Variants in SULT1B1 observed in about 807,000 individuals in gnomAD.
SULT1B1 encodes sulfotransferase 1B1.
SULT1B1 carries 28 observed loss-of-function variants against 34.6 expected under a neutral mutation model. The observed-to-expected ratio is 0.81, with a 90% CI of 0.60 to 1.11. SULT1B1 has a LOEUF of 1.11. Ranked by LOEUF, SULT1B1 falls within the 50% of genes least tolerant of loss-of-function variation. The pLI is 0.00. For missense variants in SULT1B1, 374 were observed against 352.2 expected, an observed-to-expected ratio of 1.06 and a Z score of -0.50; for synonymous variants, 147 against 110.2, an observed-to-expected ratio of 1.33 and a Z score of -2.09.
At chr4:69,752,931 T>A (rs979283217) in intron 3 of SULT1B1, among the ~76,000 whole-genome samples, 2 of 152,234 alleles carry the variant, frequency 1.3e-5, no homozygotes, top group Non-Finnish European at 2.9e-5. Flanking sequence ...TTAGCTCATT[T>A]TTTTTCAGTT....
chr4:69,741,069 G>A (rs988198616), intron 4 of SULT1B1, among the ~76,000 whole-genome samples: 3 of 152,010 alleles, frequency 2.0e-5, no homozygotes, highest in African/African-American at 7.2e-5. Context: ...TTTGTATATG[G>A]TAATAAGGGC....
At position 69,753,755 on chromosome 4, in the gene SULT1B1, C is replaced by T. The variant is rs545990380; in HGVS notation, c.277+915G>A. ...TTTTAAGTTTGGCTTAAAGGTTTCT[C>T]TATACATAGTGAATTGTAACCTAAC... On this transcript the variant is annotated intron_variant, in intron 3 of 7. Transcript: ENST00000310613. Among the ~76,000 whole-genome samples, 18 of 152,322 alleles carry T rather than the reference C, an allele frequency of 1.2e-4. No homozygotes were observed. In the South Asian group the frequency reaches 3.7e-3, roughly 32 times the overall value.
At position 69,722,925 on chromosome 4, in the gene SULT1B1, A is replaced by T. The variant is rs770030807; in HGVS notation, c.*4163T>A. Reference sequence around the variant, plus strand: ...TTCAGCTTGAGAACCATGGCTTGGCATATAACTTGGCACATGTGATATGAT... The same window carrying T: ...TTCAGCTTGAGAACCATGGCTTGGCTTATAACTTGGCACATGTGATATGAT... On this transcript the variant is annotated 3_prime_UTR_variant, in exon 8 of 8. Transcript: ENST00000310613. The T allele has an allele frequency of 6.6e-6, 1 of 151,978 alleles. No homozygotes were observed. The highest frequency in any genetic ancestry group is 1.5e-5 in the Non-Finnish European group (1 of 68,030). 9.4% of individuals were successfully genotyped at this position (151,978 alleles called of 1,614,324 possible). A position where few individuals can be genotyped will look rare whatever the true frequency, so the allele number is the denominator to read the frequency against.
chr4:69,735,060 C>T (rs1414319699), intron 4 of SULT1B1, among the ~76,000 whole-genome samples: 3 of 152,012 alleles, frequency 2.0e-5, no homozygotes, highest in Admixed American at 6.6e-5. Flanking sequence ...GCTCATGATC[C>T]GCCCTCCTCG....
At chr4:69,730,461 G>C in intron 7 of SULT1B1, 40 bp downstream of exon 7, 1 of 1,549,268 alleles carries the variant, frequency 6.5e-7, no homozygotes, top group Non-Finnish European at 8.8e-7. Flanking sequence ...TAATTCATAA[G>C]AAAGTACGAA....
Position 69,725,217 on chromosome 4 carries a change from A to C in SULT1B1, c.*1871T>G, listed in dbSNP as rs539744542. 1.3e-5 allele frequency: 2 copies of C among 152,322 alleles called. No homozygotes were observed. The highest frequency in any genetic ancestry group is 4.8e-5 in the African/African-American group (2 of 41,574). The allele number at this position is 152,322 out of a possible 1,614,324, so 9.4% of individuals were successfully genotyped here. ...CATCAACAAGTGTGCAAAGAATATG[A>C]ACAGATACTTCTCAAAAGAAGACAT... On this transcript the variant is annotated 3_prime_UTR_variant, in exon 8 of 8. Transcript: ENST00000310613.
At chr4:69,751,577 G>T (rs569393750) in intron 3 of SULT1B1, among the ~76,000 whole-genome samples, 38 of 152,008 alleles carry the variant, frequency 2.5e-4, no homozygotes, top group Non-Finnish European at 4.9e-4. Context: ...TCAGCCTCCC[G>T]AGTAGTTGAG....
In SULT1B1 at chr4:69,721,887, T is replaced by C. The variant is rs1408772076; in HGVS notation, c.*5201A>G. ...ACATCATGGTTCTGTTAGAGAAAGATTGTAATATGAGATTATTTTAAGTGT... is the reference window on the plus strand; with the variant it reads ...ACATCATGGTTCTGTTAGAGAAAGACTGTAATATGAGATTATTTTAAGTGT... On this transcript the variant is annotated 3_prime_UTR_variant, in exon 8 of 8. Coordinates refer to ENST00000310613, the MANE Select transcript of SULT1B1 (RefSeq NM_014465.4). 1 of 152,124 alleles carries C rather than the reference T, an allele frequency of 6.6e-6. No individual in the cohort carries two copies. The highest frequency in any genetic ancestry group is 1.5e-5 in the Non-Finnish European group (1 of 67,964). The allele number at this position is 152,124 out of a possible 1,614,324, so 9.4% of individuals were successfully genotyped here. A position where few individuals can be genotyped will look rare whatever the true frequency, so the allele number is the denominator to read the frequency against.
intron 3 of SULT1B1, among the ~76,000 whole-genome samples, chr4:69,753,899 C>A (rs149619778): frequency 3.9e-5 from 6 of 152,286 alleles, no homozygotes; most frequent in African/African-American, 9.6e-5. Context: ...TTAACTAAAC[C>A]AGCTGTTTCT....
At position 69,756,960 on chromosome 4, in the gene SULT1B1, GACACAC is replaced by G. The variant is rs3076390; in HGVS notation, c.-44-1705_-44-1700del. ...AATCTCATCTGAAAACACCCTCACA[GACACAC>G]ACACACACACACAGACACACACACA... On this transcript the variant is annotated intron_variant, in intron 1 of 7. Transcript: ENST00000310613. Among the ~76,000 whole-genome samples the G allele has an allele frequency of 5.0e-3, 747 of 147,988 alleles. 7 individuals are homozygous for G. The highest frequency in any genetic ancestry group is 0.017 in the African/African-American group (693 of 40,364).
At chr4:69,756,339 C>T (rs1719192216) in intron 1 of SULT1B1, among the ~76,000 whole-genome samples, 4 of 152,066 alleles carry the variant, frequency 2.6e-5, no homozygotes, top group Admixed American at 6.5e-5. Flanking sequence ...TGATTAGAAG[C>T]TGTCATTGAT....
chr4:69,743,540 C>A (rs984101170), intron 4 of SULT1B1, among the ~76,000 whole-genome samples: 18 of 152,298 alleles, frequency 1.2e-4, no homozygotes, highest in Admixed American at 4.6e-4. Flanking sequence ...TGGGGCTTCA[C>A]CCGGGACCCA....
intron 4 of SULT1B1, among the ~76,000 whole-genome samples, chr4:69,747,645 C>A (rs1239117833): frequency 1.3e-5 from 2 of 152,216 alleles, no homozygotes; most frequent in Non-Finnish European, 2.9e-5. Context: ...TGCACCAAAC[C>A]CTCTGGACTC....
intron 1 of SULT1B1, among the ~76,000 whole-genome samples, chr4:69,757,603 A>C (rs1395887953): frequency 2.0e-5 from 3 of 151,994 alleles, no homozygotes; most frequent in Middle Eastern, 3.2e-3. Flanking sequence ...CACACACAAA[A>C]TCTAGGAGGG....
intron 4 of SULT1B1, among the ~76,000 whole-genome samples, chr4:69,738,819 T>A (rs1050272155): frequency 2.0e-5 from 3 of 152,104 alleles, no homozygotes; most frequent in African/African-American, 7.2e-5. Context: ...AAATTGAAAG[T>A]CAGTTATTAC....
At chr4:69,734,385 G>T in intron 4 of SULT1B1, 121 bp from the exon 5 acceptor site, 1 of 1,073,258 alleles carries the variant, frequency 9.3e-7, no homozygotes, top group Non-Finnish European at 1.3e-6. Context: ...TTGTGGGCCA[G>T]GGAGGCCCTT....
chr4:69,744,378 G>A (rs1718671311), intron 4 of SULT1B1, among the ~76,000 whole-genome samples: 1 of 152,208 alleles, frequency 6.6e-6, no homozygotes, highest in Non-Finnish European at 1.5e-5. Flanking sequence ...GCCCGGCCAT[G>A]CAAAGGTAAG....
chr4:69,760,138 G>T, intron 1 of SULT1B1: 1 of 560,628 alleles, frequency 1.8e-6, no homozygotes, highest in Non-Finnish European at 2.3e-6. Context: ...CATGTGAGTA[G>T]GACTGGATGA....
At chr4:69,740,904 T>G (rs1718521229) in intron 4 of SULT1B1, among the ~76,000 whole-genome samples, 1 of 152,212 alleles carries the variant, frequency 6.6e-6, no homozygotes, top group Non-Finnish European at 1.5e-5. Context: ...AGGTCCCTCT[T>G]CAACATTCTG....
Sources: gnomAD v4.1 joint callset for allele counts (sites outside exome capture counted in the v4.1 genomes callset) on GRCh38, gnomAD v4.1.1 for gene constraint, MANE v1.5 for transcripts, NCBI Gene and HGNC (gene_info 2026-07-23, HGNC 2026-07-21) for gene names.